The following TP63 variants were observed in gnomAD, a reference collection of about 807,000 sequenced individuals.
TP63 encodes tumor protein 63.
A neutral mutation model predicts 82.8 loss-of-function variants in TP63; 17 were observed. That is an observed-to-expected ratio of 0.21 (90% CI 0.14 to 0.31). The LOEUF is 0.31. Ranked by LOEUF, TP63 falls within the 10% of genes least tolerant of loss-of-function variation. The probability of loss-of-function intolerance (pLI) is 1.00; values close to 1 mark genes in which losing one functional copy is unlikely to be tolerated. For missense variants in TP63, 648 were observed against 895.3 expected, an observed-to-expected ratio of 0.72 and a Z score of 3.52; for synonymous variants, 330 against 321.7, an observed-to-expected ratio of 1.03 and a Z score of -0.28.
intron 3 of TP63, among the ~76,000 whole-genome samples, chr3:189,756,501 C>T (rs185305120): frequency 6.6e-6 from 1 of 152,160 alleles, no homozygotes; most frequent in Non-Finnish European, 1.5e-5. Context: ...AAACCCTGAA[C>T]AAACAGCCTT....
At chr3:189,775,238 A>G (rs1185753765) in intron 3 of TP63, among the ~76,000 whole-genome samples, 1 of 151,240 alleles carries the variant, frequency 6.6e-6, no homozygotes, top group Non-Finnish European at 1.5e-5. Context: ...AAAAAAAAAA[A>G]AAAAGAAAGA....
intron 3 of TP63, among the ~76,000 whole-genome samples, chr3:189,807,783 G>A (rs2108635872): frequency 6.6e-6 from 1 of 152,276 alleles, no homozygotes; most frequent in Non-Finnish European, 1.5e-5. Context: ...GCAAGATTAA[G>A]AGAAAATTCG....
chr3:189,643,496 G>A (rs1161279355), intron 1 of TP63, among the ~76,000 whole-genome samples: 1 of 148,214 alleles, frequency 6.7e-6, no homozygotes, highest in African/African-American at 2.5e-5. Flanking sequence ...CCCTATTTCT[G>A]TTGATAACTC....
At chr3:189,601,273 A>G in the TP63 span, among the ~76,000 whole-genome samples, 1 of 152,108 alleles carries the variant, frequency 6.6e-6, no homozygotes, top group East Asian at 1.9e-4. Context: ...TTTCCCTTTT[A>G]ACACCCATGA....
chr3:189,615,273 C>A, the TP63 span, among the ~76,000 whole-genome samples: 2 of 152,194 alleles, frequency 1.3e-5, no homozygotes, highest in Non-Finnish European at 2.9e-5. Context: ...CCTTCCCCTA[C>A]CTGACTGCAG....
chr3:189,620,103 T>G, the TP63 span, among the ~76,000 whole-genome samples: 1 of 152,352 alleles, frequency 6.6e-6, no homozygotes, highest in Admixed American at 6.5e-5. Flanking sequence ...CTGGGTGTGG[T>G]GGCTCATGCC....
chr3:189,791,812 A>G (rs1480209029), intron 3 of TP63, among the ~76,000 whole-genome samples: 1 of 152,084 alleles, frequency 6.6e-6, no homozygotes, highest in Non-Finnish European at 1.5e-5. Context: ...TCAGTGCTAC[A>G]TCTGAGTATA....
intron 4 of TP63, among the ~76,000 whole-genome samples, chr3:189,852,213 A>G (rs1715726129): frequency 6.6e-6 from 1 of 152,184 alleles, no homozygotes; most frequent in African/African-American, 2.4e-5. Context: ...TTGCTTTTAG[A>G]TCTGAGAACT....
intron 1 of TP63, among the ~76,000 whole-genome samples, chr3:189,712,691 G>A (rs532323159): frequency 6.6e-6 from 1 of 152,182 alleles, no homozygotes; most frequent in African/African-American, 2.4e-5. Flanking sequence ...GTGGGGTGAG[G>A]GTGGGGACAC....
intron 1 of TP63, among the ~76,000 whole-genome samples, chr3:189,734,010 CAT>C (rs933772634): frequency 6.6e-5 from 10 of 152,052 alleles, no homozygotes; most frequent in African/African-American, 2.4e-4. Flanking sequence ...CTCATAGAGA[CAT>C]AGTTTTCTTC....
intron 3 of TP63, among the ~76,000 whole-genome samples, chr3:189,795,112 ATTC>A (rs1725562568): frequency 6.6e-6 from 1 of 151,990 alleles, no homozygotes; most frequent in Non-Finnish European, 1.5e-5. Context: ...TAAAGACCCC[ATTC>A]TTTATTTCAT....
chr3:189,680,206 T>C (rs1192455296), intron 1 of TP63, among the ~76,000 whole-genome samples: 1 of 152,152 alleles, frequency 6.6e-6, no homozygotes, highest in Admixed American at 6.6e-5. Context: ...ATTTAAATAT[T>C]AATTATTCCA....
rs187247643 is a variant in TP63, at chr3:189,826,195, T to C, written c.579+17669T>C. 8.9e-4 allele frequency among the ~76,000 whole-genome samples: 135 copies of C among 152,358 alleles called. 1 individual carries two copies. The highest frequency in any genetic ancestry group is 3.0e-3 in the African/African-American group (123 of 41,590). ...ATCTTTACATACTGACTGAGCCCAC[T>C]GTAAGTATTGACTAAGGCAAGGACA... On this transcript the variant is annotated intron_variant, in intron 4 of 13. Coordinates refer to ENST00000264731, the MANE Select transcript of TP63 (RefSeq NM_003722.5).
chr3:189,874,314 C>T (rs1432496402), intron 10 of TP63, among the ~76,000 whole-genome samples: 1 of 152,160 alleles, frequency 6.6e-6, no homozygotes, highest in East Asian at 1.9e-4. Flanking sequence ...TCAGGTGATC[C>T]ACCCACCTCG....
At chr3:189,858,134 G>C in intron 4 of TP63, among the ~76,000 whole-genome samples, 1 of 107,188 alleles carries the variant, frequency 9.3e-6, no homozygotes, top group East Asian at 2.5e-4. Flanking sequence ...GGCCGGGCGC[G>C]GTGGCTCACG....
upstream of TP63, chr3:189,631,215 G>A (rs913065625): frequency 3.2e-5 from 32 of 985,256 alleles, no homozygotes; most frequent in Non-Finnish European, 3.6e-5. Context: ...GCTACTATAC[G>A]TCAAGGACTC....
chr3:189,774,522 A>G (rs1200295448), intron 3 of TP63, among the ~76,000 whole-genome samples: 1 of 152,210 alleles, frequency 6.6e-6, no homozygotes, highest in Non-Finnish European at 1.5e-5. Context: ...GGGGCCTTGC[A>G]GTAAGTAGAA....
At chr3:189,840,231 C>CT (rs987391882) in intron 4 of TP63, among the ~76,000 whole-genome samples, 4 of 150,916 alleles carry the variant, frequency 2.7e-5, no homozygotes, top group South Asian at 2.1e-4. Context: ...CAGATCCTAA[C>CT]TTTTTTTTTC....
At chr3:189,785,134 G>T (rs533248254) in intron 3 of TP63, among the ~76,000 whole-genome samples, 1 of 152,068 alleles carries the variant, frequency 6.6e-6, no homozygotes, top group East Asian at 1.9e-4. Context: ...TACGGAGCTT[G>T]AATTGAAAGC....
Sources: allele counts gnomAD v4.1 joint callset (sites outside exome capture counted in the v4.1 genomes callset), GRCh38; gene constraint gnomAD v4.1.1; transcripts MANE v1.5; gene names NCBI Gene and HGNC (gene_info 2026-07-23, HGNC 2026-07-21).